The following PTPN7 variants were observed in gnomAD, a reference collection of about 807,000 sequenced individuals.
PTPN7 encodes the protein protein tyrosine phosphatase non-receptor type 7.
A neutral mutation model predicts 50.3 loss-of-function variants in PTPN7; 33 were observed. The ratio of observed to expected loss-of-function variants is 0.66; its 90% CI spans 0.50 to 0.88. PTPN7 has a LOEUF of 0.88. Ranked by LOEUF, PTPN7 falls within the 40% of genes least tolerant of loss-of-function variation. The pLI is 0.00. For synonymous variants in PTPN7, 185 were observed against 186.6 expected, an observed-to-expected ratio of 0.99 and a Z score of 0.07; for missense variants, 412 against 475.4, an observed-to-expected ratio of 0.87 and a Z score of 1.24.
Position 202,154,254 on chromosome 1 carries a change from A to C in PTPN7, c.538T>G (p.Trp180Gly). The C allele has an allele frequency of 2.5e-6, 4 of 1,614,168 alleles. No individual in the cohort carries two copies. The highest frequency in any genetic ancestry group is 3.4e-6 in the Non-Finnish European group (4 of 1,180,024). ...ACTTCCTCTTGCCACACCATCTCCCAGAAGTCCGACACAGTGTTGGGCATG... is the reference window on the plus strand; with the variant it reads ...ACTTCCTCTTGCCACACCATCTCCCCGAAGTCCGACACAGTGTTGGGCATG... ...GPMPNTVSDF[W>G]EMVWQEEVSL... Residue 180 changes from tryptophan (W) to glycine (G), a missense_variant, in exon 6 of 10, where the codon TGG becomes GGG. Physicochemically the swap from Trp to Gly is radical, Grantham distance 184. Transcript: ENST00000691036.
Position 202,152,406 on chromosome 1 carries a change from T to A in PTPN7, c.875+136A>T, listed in dbSNP as rs1437530154. On this transcript the variant is annotated intron_variant, in intron 8 of 9. Coordinates refer to ENST00000691036, the MANE Select transcript of PTPN7 (RefSeq NM_002832.4). ...TAAAAAGAACAGAGCCCTTGCTGAA[T>A]GGCCTTGCGAGTCATGTCTGAGTAA... 3.2e-5 allele frequency: 34 copies of A among 1,054,918 alleles called. 1 individual carries two copies. Among genetic ancestry groups the A allele is most frequent in the Non-Finnish European group, 4.5e-5 (34 of 755,874 alleles). 65.3% of individuals were successfully genotyped at this position (1,054,918 alleles called of 1,614,324 possible). A position where few individuals can be genotyped will look rare whatever the true frequency, so the allele number is the denominator to read the frequency against.
intron 7 of PTPN7, among the ~76,000 whole-genome samples, chr1:202,153,518 T>A (rs1249997432): frequency 6.6e-6 from 1 of 152,204 alleles, no homozygotes; most frequent in East Asian, 1.9e-4. Flanking sequence ...GGTGAGTACT[T>A]CCCGGTAGTC....
At chr1:202,155,687 G>A in intron 4 of PTPN7, 78 bp from the exon 5 acceptor site, 10 of 1,261,972 alleles carry the variant, frequency 7.9e-6, no homozygotes, top group South Asian at 3.7e-5. Context: ...TCAGAAAGAG[G>A]AGAGTTCCTG....
upstream of PTPN7, chr1:202,161,054 G>T: frequency 1.4e-6 from 2 of 1,383,342 alleles, no homozygotes; most frequent in Non-Finnish European, 1.9e-6. Flanking sequence ...CTCCCTCAAA[G>T]CCCTTGCTGC....
chr1:202,155,976 G>A (rs911312335), intron 4 of PTPN7, among the ~76,000 whole-genome samples: 2 of 152,102 alleles, frequency 1.3e-5, no homozygotes, highest in African/African-American at 2.4e-5. Flanking sequence ...GTTTCACTTT[G>A]TTGCCCAAGC....
chr1:202,158,543 T>A (rs907959962), intron 2 of PTPN7: 3 of 451,434 alleles, frequency 6.6e-6, no homozygotes, highest in African/African-American at 6.1e-5. Context: ...GTTTTTTTTT[T>A]TTTTGGAGAG....
At chr1:202,149,425 CA>C (rs1045020827) in intron 9 of PTPN7, among the ~76,000 whole-genome samples, 2 of 152,044 alleles carry the variant, frequency 1.3e-5, no homozygotes, top group Admixed American at 1.3e-4. Context: ...TTTCCATTTC[CA>C]AAACATTTTC....
At chr1:202,157,510 T>TA (rs113043271) in intron 4 of PTPN7, among the ~76,000 whole-genome samples, 8,969 of 142,416 alleles carry the variant, frequency 0.063, 884 homozygotes, top group African/African-American at 0.21. Flanking sequence ...AACTCCGTCT[T>TA]AAAAAAAAAA....
upstream of PTPN7, chr1:202,160,829 A>T: frequency 2.0e-6 from 3 of 1,525,166 alleles, no homozygotes; most frequent in Non-Finnish European, 2.6e-6. The surrounding 1 kb of genome is among the most constrained non-coding windows in gnomAD (Gnocchi z 4.8). Context: ...CAGCTTCCAG[A>T]CCCTCTCCCC....
chr1:202,154,128 G>T lies in PTPN7; in HGVS notation c.606+58C>A, dbSNP rs113468977. 1.9e-6 allele frequency: 3 copies of T among 1,606,788 alleles called. No homozygotes were observed. The East Asian group carries it at 6.7e-5, about 36-fold the overall frequency. On this transcript the variant is annotated intron_variant, in intron 6 of 9. Coordinates refer to ENST00000691036, the MANE Select transcript of PTPN7 (RefSeq NM_002832.4). ...CTGAGCTGCCCTGTGTGTGGGGTGG[G>T]GGTGGGGTGGGCATAGCACTTTCTG...
In PTPN7 at chr1:202,160,022, T is replaced by G; in HGVS notation, c.-53+523A>C. On this transcript the variant is annotated intron_variant, in intron 1 of 9. Coordinates refer to ENST00000691036, the MANE Select transcript of PTPN7 (RefSeq NM_002832.4). The surrounding 1 kb of genome is among the most constrained non-coding windows in gnomAD (Gnocchi z 4.8). ...GGGGTCTCTGTCCAGGGAGGTAGGC[T>G]GGAGGTGTTTCCTTCCTCCTCCTGC... 1.0e-6 allele frequency: 1 copy of G among 985,972 alleles called. No individual in the cohort carries two copies. The highest frequency in any genetic ancestry group is 1.2e-6 in the Non-Finnish European group (1 of 826,706). 61.1% of individuals were successfully genotyped at this position (985,972 alleles called of 1,614,324 possible).
intron 8 of PTPN7, among the ~76,000 whole-genome samples, chr1:202,151,544 T>G (rs1263762434): frequency 6.6e-6 from 1 of 151,894 alleles, no homozygotes. Context: ...TGAGACAGAG[T>G]TTTGCTCTTG....
chr1:202,152,840 C>A, intron 7 of PTPN7, 141 bp from the exon 8 acceptor site: 1 of 941,172 alleles, frequency 1.1e-6, no homozygotes, highest in Non-Finnish European at 1.6e-6. Flanking sequence ...TTGCAATTTT[C>A]GTGCTCATTG....
chr1:202,148,847 C>A, intron 9 of PTPN7, 148 bp from the exon 10 acceptor site: 3 of 136,096 alleles, frequency 2.2e-5, no homozygotes, highest in Non-Finnish European at 3.8e-5. Context: ...CATCTTTTCA[C>A]TTTTTTTTTT....
chr1:202,153,902 G>A (rs950594775), intron 6 of PTPN7, 67 bp from the exon 7 acceptor site: 4 of 1,312,898 alleles, frequency 3.0e-6, no homozygotes, highest in Non-Finnish European at 4.4e-6. Flanking sequence ...AGCAGAGAGG[G>A]GCTGGTATCT....
Position 202,158,205 on chromosome 1 carries a change from G to A in PTPN7, c.219C>T (p.His73=). 6.2e-7 allele frequency: 1 copy of A among 1,614,078 alleles called. No homozygotes were observed. The highest frequency in any genetic ancestry group is 1.1e-5 in the South Asian group (1 of 91,092). The stretch of plus-strand genomic sequence containing the variant: ...GGGGGTGTCCAGCAGTGCGCAGAAA[G>A]TGTAGGGTGACCTCCCGGGGTGTGT... ...SVNTPREVTL[H]FLRTAGHPLT... The change falls in exon 3 of 10, where the codon CAC becomes CAT. Residue 73 remains histidine (H), a synonymous_variant. Coordinates refer to ENST00000691036, the MANE Select transcript of PTPN7 (RefSeq NM_002832.4).
At position 202,160,491 on chromosome 1, in the gene PTPN7, G is replaced by C; in HGVS notation, c.-53+54C>G. ...CTAGAGATGCCCTCTTATATCCCCGGAGTTCGCACCCCCCGGGGCCACAGG... is the reference window on the plus strand; with the variant it reads ...CTAGAGATGCCCTCTTATATCCCCGCAGTTCGCACCCCCCGGGGCCACAGG... On this transcript the variant is annotated intron_variant, in intron 1 of 9. Transcript: ENST00000691036. The surrounding 1 kb of genome is among the most constrained non-coding windows in gnomAD (Gnocchi z 4.8). 6 of 1,495,370 alleles carry C rather than the reference G, an allele frequency of 4.0e-6. No homozygotes were observed. The highest frequency in any genetic ancestry group is 4.5e-6 in the Non-Finnish European group (5 of 1,107,080). 92.6% of individuals were successfully genotyped at this position (1,495,370 alleles called of 1,614,324 possible). A position where few individuals can be genotyped will look rare whatever the true frequency, so the allele number is the denominator to read the frequency against.
chr1:202,159,332 T>G lies in PTPN7; in HGVS notation c.71A>C (p.Gln24Pro). The G allele has an allele frequency of 6.2e-7, 1 of 1,614,174 alleles. No homozygotes were observed. The highest frequency in any genetic ancestry group is 8.5e-7 in the Non-Finnish European group (1 of 1,180,006). ...LTLSLGAAMTQPPPEKTPAKK... is the reference protein window; with the variant it reads ...LTLSLGAAMTPPPPEKTPAKK... ...GGCTGGCGTTTTTTCAGGCGGAGGC[T>G]GGGTCATGGCTGCCCCCAAAGACAA... is the stretch of plus-strand genomic sequence containing the variant. Residue 24 changes from glutamine to proline, a missense_variant, in exon 2 of 10, where the codon CAG becomes CCG. Physicochemically the swap from Gln to Pro is moderately conservative, Grantham distance 76. Coordinates refer to ENST00000691036, the MANE Select transcript of PTPN7 (RefSeq NM_002832.4). The surrounding 1 kb of genome is among the most constrained non-coding windows in gnomAD (Gnocchi z 4.6).
intron 8 of PTPN7, 125 bp downstream of exon 8, chr1:202,152,417 G>A: frequency 1.7e-6 from 2 of 1,180,998 alleles, no homozygotes; most frequent in Non-Finnish European, 2.3e-6. Flanking sequence ...GGCCTTGCGA[G>A]TCATGTCTGA....
Sources: gnomAD v4.1 joint callset for allele counts (sites outside exome capture counted in the v4.1 genomes callset) on GRCh38, gnomAD v4.1.1 for gene constraint, Gnocchi (gnomAD v3.1) non-coding constraint, MANE v1.5 for transcripts, NCBI Gene and HGNC (gene_info 2026-07-23, HGNC 2026-07-21) for gene names.